The following STARD9 variants were observed in gnomAD, a reference collection of about 807,000 sequenced individuals.
STARD9 encodes the protein stAR-related lipid transfer protein 9.
In STARD9, 346 loss-of-function variants were observed where a neutral mutation model predicts 399.8. That is an observed-to-expected ratio of 0.87 (90% CI 0.79 to 0.95). The LOEUF (loss-of-function observed/expected upper bound fraction) is 0.95. Ranked by LOEUF, STARD9 falls within the 40% of genes least tolerant of loss-of-function variation. STARD9 has a pLI of 0.00. For missense variants in STARD9, 5,832 were observed against 5,667.5 expected, an observed-to-expected ratio of 1.03 and a Z score of -0.93; for synonymous variants, 2,203 against 2,143.5, an observed-to-expected ratio of 1.03 and a Z score of -0.77.
chr15:42,663,895 T>C lies in STARD9; in HGVS notation c.1154T>C (p.Ile385Thr), dbSNP rs1319271150. 3 of 1,536,540 alleles carry C rather than the reference T, an allele frequency of 2.0e-6. No individual in the cohort carries two copies. In the South Asian group the frequency reaches 3.6e-5, roughly 18 times the overall value. Residue 385 changes from isoleucine (I) to threonine (T), a missense_variant, in exon 13 of 33, where the codon ATC becomes ACC. Physicochemically the swap from Ile to Thr is moderately conservative, Grantham distance 89. Around this residue, in one of 2 missense-constraint regions of STARD9, gnomAD observed 5,828 missense variants for 5,651.1 expected, o/e 1.03. Transcript: ENST00000290607. ...TATGCATCCAGTGCCAAAAACATTA[T>C]CAACAAGCCACGAGTAAATGAGGTG... Reference protein sequence around the residue: ...LRYASSAKNIINKPRVNEDAN... With the variant: ...LRYASSAKNITNKPRVNEDAN...
intron 7 of STARD9, among the ~76,000 whole-genome samples, chr15:42,645,689 C>G (rs901693167): frequency 5.9e-5 from 9 of 151,910 alleles, no homozygotes; most frequent in Non-Finnish European, 7.4e-5. Flanking sequence ...CCCACCCATG[C>G]GCTACCATAC....
intron 7 of STARD9, among the ~76,000 whole-genome samples, chr15:42,648,912 A>G (rs2059700435): frequency 6.6e-6 from 1 of 151,956 alleles, no homozygotes; most frequent in Non-Finnish European, 1.5e-5. Flanking sequence ...TAATTAATTT[A>G]TTTATTAGAC....
chr15:42,642,521 T>C (rs764967350), intron 7 of STARD9, among the ~76,000 whole-genome samples: 2 of 152,226 alleles, frequency 1.3e-5, no homozygotes, highest in Non-Finnish European at 2.9e-5. Context: ...AGCAGGTAGT[T>C]GGAACTTGAG....
rs1276265014 is a variant in STARD9, at chr15:42,718,145, G to C, written c.13728G>C (p.Arg4576Ser). Residue 4576 changes from arginine (R) to serine (S), a missense_variant, in exon 30 of 33, where the codon AGG (arginine) becomes AGC (serine). Around this residue, in one of 2 missense-constraint regions of STARD9, gnomAD observed 5,828 missense variants for 5,651.1 expected, o/e 1.03. Coordinates refer to ENST00000290607, the MANE Select transcript of STARD9 (RefSeq NM_020759.3). ...PLYYKPIQTA[R>S]LHQRVTNSIS... Reference sequence around the variant, plus strand: ...ATTACAAGCCCATCCAGACAGCAAGGCTGCATCAGCGAGTGACCAACAGCA... The same window carrying C: ...ATTACAAGCCCATCCAGACAGCAAGCCTGCATCAGCGAGTGACCAACAGCA... The C allele has an allele frequency of 6.5e-7, 1 of 1,537,122 alleles. No homozygotes were observed. The highest frequency in any genetic ancestry group is 1.4e-5 in the African/African-American group (1 of 73,144).
intron 9 of STARD9, among the ~76,000 whole-genome samples, chr15:42,658,076 G>A (rs545478797): frequency 2.0e-5 from 3 of 152,242 alleles, no homozygotes; most frequent in Admixed American, 1.3e-4. Context: ...TATAGATATG[G>A]CACTAAAAAC....
chr15:42,708,358 G>A (rs1200157273), intron 26 of STARD9, among the ~76,000 whole-genome samples: 4 of 152,172 alleles, frequency 2.6e-5, no homozygotes, highest in Admixed American at 1.3e-4. Context: ...AAGTTTTACC[G>A]GAATACAGTC....
At chr15:42,681,800 G>C (rs541065625) in intron 21 of STARD9, among the ~76,000 whole-genome samples, 188 bp downstream of exon 21, 2 of 152,074 alleles carry the variant, frequency 1.3e-5, no homozygotes, top group African/African-American at 2.4e-5. Context: ...GAATAAGGAC[G>C]CTAATTTCCT....
At chr15:42,615,595 A>C (rs2058946871) in intron 3 of STARD9, among the ~76,000 whole-genome samples, 1 of 151,658 alleles carries the variant, frequency 6.6e-6, no homozygotes, top group Admixed American at 6.6e-5. Context: ...TATATATAAA[A>C]ATGTGTGTGT....
In STARD9 at chr15:42,693,420, A is replaced by G. The variant is rs2060764565; in HGVS notation, c.11842A>G (p.Met3948Val). The change falls in exon 23 of 33, where the codon ATG becomes GTG. Residue 3948 changes from methionine to valine, a missense_variant. Met to Val is a conservative substitution (Grantham distance 21). This residue lies in a region of STARD9 where 5,828 missense variants were observed against 5,651.1 expected (regional missense o/e 1.03). Coordinates refer to ENST00000290607, the MANE Select transcript of STARD9 (RefSeq NM_020759.3). Reference protein sequence around the residue: ...PDPVDAPRTPMDNYSQTTDEL... With the variant: ...PDPVDAPRTPVDNYSQTTDEL... ...CCCTGTTGATGCCCCAAGGACTCCAATGGATAATTATTCCCAAACCACTGA... is the reference window on the plus strand; with the variant it reads ...CCCTGTTGATGCCCCAAGGACTCCAGTGGATAATTATTCCCAAACCACTGA... 6.5e-6 allele frequency: 10 copies of G among 1,537,200 alleles called. No individual in the cohort carries two copies. The highest frequency in any genetic ancestry group is 3.6e-5 in the South Asian group (3 of 84,058).
intron 3 of STARD9, among the ~76,000 whole-genome samples, chr15:42,591,247 G>A (rs898933689): frequency 2.6e-5 from 4 of 152,138 alleles, no homozygotes; most frequent in Non-Finnish European, 5.9e-5. Context: ...TAGCACTTTG[G>A]GAGGCCAAGG....
In STARD9 at chr15:42,615,865, T is replaced by C. The variant is rs183088570; in HGVS notation, c.235-18991T>C. 7.2e-4 allele frequency among the ~76,000 whole-genome samples: 109 copies of C among 152,310 alleles called. 1 individual carries two copies. Among genetic ancestry groups the C allele is most frequent in the Non-Finnish European group, 1.2e-4 (8 of 68,018 alleles). Reference sequence around the variant, plus strand: ...CTAATAGATACAGTCTTTATGTCCATGATATGTGATAAAAAGCAGGTTGAT... The same window carrying C: ...CTAATAGATACAGTCTTTATGTCCACGATATGTGATAAAAAGCAGGTTGAT... On this transcript the variant is annotated intron_variant, in intron 3 of 32. Transcript: ENST00000290607.
At chr15:42,700,972 A>T (rs987853274) in intron 26 of STARD9, among the ~76,000 whole-genome samples, 2 of 152,108 alleles carry the variant, frequency 1.3e-5, no homozygotes, top group African/African-American at 2.4e-5. Flanking sequence ...TTGCTTCTGT[A>T]TGTGGATATC....
At chr15:42,582,006 G>A (rs148223590) in intron 1 of STARD9, among the ~76,000 whole-genome samples, 61 of 152,308 alleles carry the variant, frequency 4.0e-4, no homozygotes, top group African/African-American at 1.4e-3. Context: ...GGGCATGGTA[G>A]CAAGTGCTTG....
In STARD9 at chr15:42,687,835, T is replaced by C; in HGVS notation, c.6257T>C (p.Phe2086Ser). 1 of 1,537,364 alleles carries C rather than the reference T, an allele frequency of 6.5e-7. No homozygotes were observed. Among genetic ancestry groups the C allele is most frequent in the Non-Finnish European group, 8.7e-7 (1 of 1,146,998 alleles). Reference protein sequence around the residue: ...HTPGTDKELVFQDQKEQEKTD... With the variant: ...HTPGTDKELVSQDQKEQEKTD... ...CCAGGAACCGATAAGGAGTTGGTGT[T>C]CCAGGACCAGAAGGAGCAGGAGAAG... The change falls in exon 23 of 33, where the codon TTC becomes TCC. Residue 2086 changes from phenylalanine to serine, a missense_variant. By Grantham distance (155) the Phe-to-Ser change is radical. Around this residue, in one of 2 missense-constraint regions of STARD9, gnomAD observed 5,828 missense variants for 5,651.1 expected, o/e 1.03. Coordinates refer to ENST00000290607, the MANE Select transcript of STARD9 (RefSeq NM_020759.3).
chr15:42,595,622 G>A (rs2058486656), intron 3 of STARD9, among the ~76,000 whole-genome samples: 1 of 152,160 alleles, frequency 6.6e-6, no homozygotes, highest in Non-Finnish European at 1.5e-5. Flanking sequence ...TTTTTCTGAT[G>A]CATGTATGTG....
chr15:42,638,818 C>T lies in STARD9; in HGVS notation c.559+6C>T. On this transcript the variant is annotated splice_donor_region_variant and intron_variant, in intron 7 of 32. Transcript: ENST00000290607. Reference sequence around the variant, plus strand: ...GATGGGGCCCTATGTACAAGGTGAGCTACTGTGGTCCTGGAGATCTGAAAC... The same window carrying T: ...GATGGGGCCCTATGTACAAGGTGAGTTACTGTGGTCCTGGAGATCTGAAAC... 1 of 1,496,568 alleles carries T rather than the reference C, an allele frequency of 6.7e-7. No individual in the cohort carries two copies. The highest frequency in any genetic ancestry group is 2.1e-5 in the Admixed American group (1 of 47,854). 92.7% of individuals were successfully genotyped at this position (1,496,568 alleles called of 1,614,324 possible).
rs114786341 is a variant in STARD9 at position 42,661,248 on chromosome 15, G to A, written c.770+23G>A. The A allele has an allele frequency of 7.3e-4, 1,079 of 1,481,336 alleles. 7 individuals are homozygous for A. The African/African-American group carries it at 0.014, about 19-fold the overall frequency. The allele number at this position is 1,481,336 out of a possible 1,614,324, so 91.8% of individuals were successfully genotyped here. A position where few individuals can be genotyped will look rare whatever the true frequency, so the allele number is the denominator to read the frequency against. ...CAGGTAATTAGGATTTTAAAGCTAA[G>A]GGGAATTACTCTTGTTCTTGCCTGT... On this transcript the variant is annotated intron_variant, in intron 10 of 32. Transcript: ENST00000290607.
intron 17 of STARD9, among the ~76,000 whole-genome samples, 155 bp downstream of exon 17, chr15:42,674,646 G>A (rs556026228): frequency 3.3e-5 from 5 of 152,324 alleles, no homozygotes; most frequent in East Asian, 1.9e-4. Flanking sequence ...GGTCTGGGAC[G>A]TCACAGGGGG....
rs936270198 is a variant in STARD9, at chr15:42,688,592, T to G, written c.7014T>G (p.Asn2338Lys). The change falls in exon 23 of 33, where the codon AAT (asparagine) becomes AAG (lysine). Residue 2338 changes from asparagine to lysine, a missense_variant. Asn to Lys is a moderately conservative substitution (Grantham distance 94). This residue lies in a region of STARD9 where 5,828 missense variants were observed against 5,651.1 expected (regional missense o/e 1.03). Coordinates refer to ENST00000290607, the MANE Select transcript of STARD9 (RefSeq NM_020759.3). ...HQDLSNTLPLNSPRWPRRCLH... is the reference protein window; with the variant it reads ...HQDLSNTLPLKSPRWPRRCLH... The stretch of plus-strand genomic sequence containing the variant: ...ACCTGAGTAATACCTTGCCCTTGAA[T>G]TCTCCAAGGTGGCCAAGAAGGTGTC... The G allele has an allele frequency of 7.2e-6, 11 of 1,537,612 alleles. No homozygotes were observed. Among genetic ancestry groups the G allele is most frequent in the Non-Finnish European group, 9.6e-6 (11 of 1,147,002 alleles).
Sources: allele counts gnomAD v4.1 joint callset (sites outside exome capture counted in the v4.1 genomes callset), GRCh38; gene constraint gnomAD v4.1.1; regional missense constraint gnomAD v4.1.1; transcripts MANE v1.5; gene names NCBI Gene and HGNC (gene_info 2026-07-23, HGNC 2026-07-21).